GPR107: variants seen among roughly 807,000 people sequenced by gnomAD.
The protein encoded by GPR107 is G protein-coupled receptor 107.
GPR107 carries 31 observed loss-of-function variants against 75.5 expected under a neutral mutation model. The observed-to-expected ratio is 0.41, with a 90% CI of 0.31 to 0.55. The LOEUF is 0.55. Ranked by LOEUF, GPR107 falls within the 20% of genes least tolerant of loss-of-function variation. The pLI is 0.26. For synonymous variants in GPR107, 267 were observed against 251.3 expected (o/e 1.06, Z -0.59); for missense variants, 572 against 665.7 (o/e 0.86, Z 1.55).
intron 4 of GPR107, among the ~76,000 whole-genome samples, chr9:130,078,808 G>T (rs1220630774): frequency 1.3e-5 from 2 of 152,194 alleles, no homozygotes; most frequent in Non-Finnish European, 2.9e-5. Context: ...CTTAGGTTGG[G>T]CATCCACTCA....
rs983896529 is a variant in GPR107, at chr9:130,105,146, A to G, written c.1262+596A>G. On this transcript the variant is annotated intron_variant, in intron 13 of 17. Coordinates refer to ENST00000347136, the MANE Select transcript of GPR107 (RefSeq NM_020960.5). The stretch of plus-strand genomic sequence containing the variant: ...AATTCAGAAGGCTAGCAGCAATAAA[A>G]CACTTTACCCTTAGTGATATAATTC... Among the ~76,000 whole-genome samples the G allele has an allele frequency of 2.6e-5, 4 of 152,184 alleles. No homozygotes were observed. The South Asian group carries it at 8.3e-4, about 32-fold the overall frequency.
intron 9 of GPR107, among the ~76,000 whole-genome samples, chr9:130,093,501 G>A (rs1336556594): frequency 1.3e-5 from 2 of 152,076 alleles, no homozygotes; most frequent in Non-Finnish European, 2.9e-5. Flanking sequence ...TAAGTCCTTG[G>A]TAGCTTGATT....
chr9:130,130,665 T>C (rs1458058257), intron 17 of GPR107, among the ~76,000 whole-genome samples: 2 of 151,146 alleles, frequency 1.3e-5, no homozygotes, highest in East Asian at 3.9e-4. Context: ...AGGTCAGGAG[T>C]TCGAGACCAG....
At chr9:130,104,343 A>G (rs980136074) in intron 12 of GPR107, 77 bp from the exon 13 acceptor site, 2 of 1,371,090 alleles carry the variant, frequency 1.5e-6, no homozygotes, top group African/African-American at 1.4e-5. Context: ...GCCAAGGTGT[A>G]CACCCCACAT....
intron 1 of GPR107, among the ~76,000 whole-genome samples, chr9:130,074,023 C>T (rs1163991394): frequency 6.6e-6 from 1 of 152,200 alleles, no homozygotes; most frequent in Non-Finnish European, 1.5e-5. Context: ...TCCCAAAGTG[C>T]TGGGATTACA....
chr9:130,089,481 G>T (rs891028013), intron 7 of GPR107, among the ~76,000 whole-genome samples: 5 of 152,272 alleles, frequency 3.3e-5, no homozygotes, highest in African/African-American at 9.6e-5. Context: ...GAGCGCTTCT[G>T]CTTCATTCAT....
chr9:130,123,115 G>A (rs570945319), intron 14 of GPR107, among the ~76,000 whole-genome samples: 1 of 152,290 alleles, frequency 6.6e-6, no homozygotes, highest in South Asian at 2.1e-4. Flanking sequence ...CATGATTTCA[G>A]CTTACTGCAA....
chr9:130,067,870 A>G (rs1401350297), intron 1 of GPR107, among the ~76,000 whole-genome samples: 1 of 144,092 alleles, frequency 6.9e-6, no homozygotes, highest in Admixed American at 7.4e-5. Context: ...CCAGCCTCCC[A>G]AGCAGCTGGG....
intron 14 of GPR107, chr9:130,110,508 T>G: frequency 1.3e-6 from 1 of 756,318 alleles, no homozygotes; most frequent in Non-Finnish European, 2.4e-6. Context: ...ATATCACAAA[T>G]ACTCTGAAAG....
At chr9:130,133,967 A>G (rs1259373131) in intron 17 of GPR107, among the ~76,000 whole-genome samples, 1 of 152,264 alleles carries the variant, frequency 6.6e-6, no homozygotes, top group South Asian at 2.1e-4. Context: ...GGTCACATAT[A>G]CGGCCACTGT....
intron 14 of GPR107, chr9:130,114,436 G>A (rs905098512): frequency 9.5e-6 from 2 of 210,336 alleles, no homozygotes; most frequent in Admixed American, 1.2e-4. Context: ...AGGCTGGAGT[G>A]CAGTGGTGTG....
At chr9:130,068,578 C>T (rs1830124479) in intron 1 of GPR107, among the ~76,000 whole-genome samples, 1 of 152,008 alleles carries the variant, frequency 6.6e-6, no homozygotes, top group African/African-American at 2.4e-5. Context: ...ATAAGAAAAA[C>T]TAAATTGAGG....
chr9:130,120,239 T>C (rs1287561040), intron 14 of GPR107, among the ~76,000 whole-genome samples: 1 of 152,226 alleles, frequency 6.6e-6, no homozygotes, highest in Non-Finnish European at 1.5e-5. Context: ...GTTTCTTCAC[T>C]GGTGCCTGTG....
intron 12 of GPR107, among the ~76,000 whole-genome samples, chr9:130,102,487 A>C (rs1831057166): frequency 6.6e-6 from 1 of 152,190 alleles, no homozygotes; most frequent in Non-Finnish European, 1.5e-5. Flanking sequence ...GTTCCATGGA[A>C]TGTCAGTCTG....
Position 130,086,420 on chromosome 9 carries a change from G to T in GPR107, c.565G>T (p.Ala189Ser). Residue 189 changes from alanine to serine, a missense_variant and splice_region_variant, in exon 7 of 18, where the codon GCC (alanine) becomes TCC (serine). By Grantham distance (99) the Ala-to-Ser change is moderately conservative (BLOSUM62 1). Transcript: ENST00000347136. ...AAAACATACTATTATGTCTTTTTAG[G>T]CCATGGGAGAGAAATCCTTTTCTGT... The part of the protein sequence containing the change: ...KSKRSTVDSK[A>S]MGEKSFSVHN... The T allele has an allele frequency of 6.9e-7, 1 of 1,459,506 alleles. No individual in the cohort carries two copies. The highest frequency in any genetic ancestry group is 9.6e-7 in the Non-Finnish European group (1 of 1,039,534). 90.4% of individuals were successfully genotyped at this position (1,459,506 alleles called of 1,614,324 possible).
At chr9:130,121,393 T>C (rs1384366912) in intron 14 of GPR107, among the ~76,000 whole-genome samples, 2 of 152,178 alleles carry the variant, frequency 1.3e-5, no homozygotes, top group Non-Finnish European at 1.5e-5. Context: ...TACAAATCTG[T>C]GTTGGGCCGC....
At chr9:130,132,216 C>T (rs1047009520) in intron 17 of GPR107, among the ~76,000 whole-genome samples, 10 of 152,290 alleles carry the variant, frequency 6.6e-5, no homozygotes, top group African/African-American at 9.6e-5. Flanking sequence ...TCCATTCTCC[C>T]GGGCTCTAGA....
At chr9:130,127,374 T>C in intron 15 of GPR107, 109 bp from the exon 16 acceptor site, 2 of 687,154 alleles carry the variant, frequency 2.9e-6, no homozygotes, top group Non-Finnish European at 5.3e-6. Context: ...TACTTTTCTT[T>C]GAGTGATTCT....
intron 13 of GPR107, among the ~76,000 whole-genome samples, chr9:130,105,836 A>T (rs902056911): frequency 6.7e-6 from 1 of 149,106 alleles, no homozygotes; most frequent in African/African-American, 2.5e-5. Flanking sequence ...TACCCAGCCA[A>T]TTTTTTGTAG....
Sources: allele counts gnomAD v4.1 joint callset (sites outside exome capture counted in the v4.1 genomes callset), GRCh38; gene constraint gnomAD v4.1.1; transcripts MANE v1.5; gene names NCBI Gene and HGNC (gene_info 2026-07-23, HGNC 2026-07-21).